Variants in RADX observed in about 807,000 individuals in gnomAD.
RADX encodes the protein RPA-related protein RADX.
Under a neutral mutation model 61.6 loss-of-function variants are expected in RADX, and 36 were observed. The observed-to-expected ratio is 0.58, with a 90% CI of 0.45 to 0.77. RADX has a LOEUF of 0.77. RADX is among the 30% of genes least tolerant of loss of function. The pLI, the probability that RADX is intolerant of heterozygous loss-of-function variation, is 0.00. For synonymous variants in RADX, 272 were observed against 237.9 expected (o/e 1.14, Z -1.32); for missense variants, 497 against 651.1 (o/e 0.76, Z 2.58).
intron 12 of RADX, among the ~76,000 whole-genome samples, chrX:106,663,539 G>A (rs925052855): frequency 1.2e-4 from 13 of 111,537 alleles, no homozygotes; most frequent in South Asian, 1.1e-3. Context: ...GAAATAATGC[G>A]TAAGACCTAC....
At chrX:106,612,862 G>A (rs980107345) in intron 1 of RADX, 139 bp downstream of exon 1, 14 of 560,252 alleles carry the variant, frequency 2.5e-5, no homozygotes, top group Non-Finnish European at 3.7e-5. Flanking sequence ...TTTCTTAAAT[G>A]ACCAAGGGAT....
chrX:106,643,870 G>A (rs1392990585), intron 10 of RADX, among the ~76,000 whole-genome samples: 1 of 111,439 alleles, frequency 9.0e-6, no homozygotes, highest in Admixed American at 9.5e-5. Context: ...GCTTTGGGCA[G>A]TATAGACATT....
intron 1 of RADX, among the ~76,000 whole-genome samples, chrX:106,621,793 T>C (rs1926950177): frequency 9.1e-6 from 1 of 110,414 alleles, no homozygotes; most frequent in Non-Finnish European, 1.9e-5. Context: ...CATTTGGATA[T>C]ATAAAGGGAA....
Position 106,612,289 on chromosome X carries a change from CTG to C in RADX, c.212_213del (p.Val71AlafsTer11). 8.3e-7 allele frequency: 1 copy of C among 1,211,496 alleles called. No homozygotes were observed. The highest frequency in any genetic ancestry group is 1.1e-6 in the Non-Finnish European group (1 of 895,422). On this transcript the variant is annotated frameshift_variant, in exon 1 of 14. Coordinates refer to ENST00000372548, the MANE Select transcript of RADX (RefSeq NM_018015.6). LOFTEE classifies it high-confidence loss of function. ...ACCCCCTCGGAGGTGGTGCCTGTAA[CTG>C]TGCTGGCCGTCCAGAGGTACCTGTT...
intron 3 of RADX, among the ~76,000 whole-genome samples, chrX:106,631,923 T>C (rs183206086): frequency 2.9e-3 from 326 of 111,503 alleles, no homozygotes; most frequent in African/African-American, 1.0e-2. Flanking sequence ...TCAATGGGAA[T>C]TTTTACACAT....
intron 3 of RADX, among the ~76,000 whole-genome samples, chrX:106,627,372 T>C (rs1203617766): frequency 8.9e-6 from 1 of 111,879 alleles, no homozygotes; most frequent in Non-Finnish European, 1.9e-5. Flanking sequence ...TAAAATATAT[T>C]TATGGGGTCT....
chrX:106,671,120 C>T (rs1444200218), intron 13 of RADX, among the ~76,000 whole-genome samples: 3 of 111,760 alleles, frequency 2.7e-5, no homozygotes, highest in African/African-American at 9.7e-5. Context: ...ATTATTTGAA[C>T]TCTTTAAGAA....
rs112523675 is a variant in RADX, at chrX:106,673,642, G to T, written c.2437+4312G>T. Reference sequence around the variant, plus strand: ...GTGATGCCAGCACTTCCTTAGACACGCTGGCTGATGTCTCAGTAGGTTGTG... The same window carrying T: ...GTGATGCCAGCACTTCCTTAGACACTCTGGCTGATGTCTCAGTAGGTTGTG... On this transcript the variant is annotated intron_variant, in intron 13 of 13. Transcript: ENST00000372548. 9.8e-3 allele frequency among the ~76,000 whole-genome samples: 1,059 copies of T among 107,567 alleles called. 15 individuals are homozygous for T. Among genetic ancestry groups the T allele is most frequent in the African/African-American group, 0.034 (996 of 28,944 alleles). The allele number at this position is 107,567 out of a possible 115,157, so 93.4% of individuals were successfully genotyped here. A position where few individuals can be genotyped will look rare whatever the true frequency, so the allele number is the denominator to read the frequency against.
chrX:106,627,315 A>G (rs1257221571), intron 3 of RADX, among the ~76,000 whole-genome samples: 1 of 111,598 alleles, frequency 9.0e-6, no homozygotes, highest in Non-Finnish European at 1.9e-5. Context: ...CTGACTAATG[A>G]TCTTTTTATC....
chrX:106,646,828 G>T (rs912110754), intron 10 of RADX, among the ~76,000 whole-genome samples: 5 of 111,389 alleles, frequency 4.5e-5, no homozygotes, highest in Non-Finnish European at 9.5e-5. Flanking sequence ...CTAGGCCATT[G>T]CACTTATTTC....
At chrX:106,661,938 G>GT in intron 11 of RADX, 77 bp from the exon 12 acceptor site, 6 of 889,659 alleles carry the variant, frequency 6.7e-6, no homozygotes, top group Non-Finnish European at 7.8e-6. Flanking sequence ...ATTAATGTGT[G>GT]GTTTTTTTTT....
chrX:106,658,706 A>C (rs1342993388), intron 11 of RADX, among the ~76,000 whole-genome samples: 2 of 112,040 alleles, frequency 1.8e-5, no homozygotes, highest in Non-Finnish European at 3.8e-5. Flanking sequence ...TTTCATGATA[A>C]CTTTGGCTTT....
intron 1 of RADX, among the ~76,000 whole-genome samples, chrX:106,617,020 GTTTT>G (rs60413185): frequency 5.7e-4 from 31 of 54,541 alleles, no homozygotes; most frequent in Admixed American, 4.9e-3. Flanking sequence ...GTGTGTGTGG[GTTTT>G]TTTTTTTTTT....
intron 11 of RADX, among the ~76,000 whole-genome samples, chrX:106,652,109 C>T (rs925334204): frequency 2.7e-5 from 3 of 110,810 alleles, no homozygotes; most frequent in East Asian, 2.9e-4. Flanking sequence ...ATTAAACTTT[C>T]GTATTCCAAT....
intron 13 of RADX, among the ~76,000 whole-genome samples, chrX:106,669,706 G>C (rs980582969): frequency 9.0e-6 from 1 of 111,295 alleles, no homozygotes; most frequent in Non-Finnish European, 1.9e-5. Flanking sequence ...TAACTCTATA[G>C]TATAATACAG....
chrX:106,619,588 T>C lies in RADX; in HGVS notation c.644-3063T>C, dbSNP rs139718314. Among the ~76,000 whole-genome samples, 975 of 111,968 alleles carry C rather than the reference T, an allele frequency of 8.7e-3. 5 individuals are homozygous for C. The highest frequency in any genetic ancestry group is 0.013 in the Non-Finnish European group (701 of 53,142). On this transcript the variant is annotated intron_variant, in intron 1 of 13. Transcript: ENST00000372548. Reference sequence around the variant, plus strand: ...TGCTGCCAGTTTTGGAAGCCATCATTCATAAACTTTTTTCATTTTCTTCCA... The same window carrying C: ...TGCTGCCAGTTTTGGAAGCCATCATCCATAAACTTTTTTCATTTTCTTCCA...
At chrX:106,617,887 G>A (rs1926850041) in intron 1 of RADX, among the ~76,000 whole-genome samples, 2 of 111,405 alleles carry the variant, frequency 1.8e-5, no homozygotes, top group African/African-American at 6.5e-5. Flanking sequence ...GTGCTAACAA[G>A]TTCAAATTAC....
intron 4 of RADX, 70 bp from the exon 5 acceptor site, chrX:106,632,862 C>A: frequency 9.8e-7 from 1 of 1,017,773 alleles, no homozygotes; most frequent in South Asian, 2.0e-5. Flanking sequence ...TATACATTTT[C>A]AAAATAATTG....
chrX:106,661,366 T>C (rs1199450459), intron 11 of RADX, among the ~76,000 whole-genome samples: 1 of 101,060 alleles, frequency 9.9e-6, no homozygotes, highest in Non-Finnish European at 1.9e-5. Context: ...TTTGTTTTTT[T>C]TTCTTGTTTT....
Sources: gnomAD v4.1 joint callset for allele counts (sites outside exome capture counted in the v4.1 genomes callset) on GRCh38, gnomAD v4.1.1 for gene constraint, MANE v1.5 for transcripts, NCBI Gene and HGNC (gene_info 2026-07-23, HGNC 2026-07-21) for gene names.